Variants in ASAP1 observed in about 807,000 individuals in gnomAD.
The protein encoded by ASAP1 is arf-GAP with SH3 domain, ANK repeat and PH domain-containing protein 1.
Under a neutral mutation model 145.2 loss-of-function variants are expected in ASAP1, and 43 were observed. The ratio of observed to expected loss-of-function variants is 0.30; its 90% CI spans 0.23 to 0.38. The LOEUF is 0.38. ASAP1 is among the 10% of genes least tolerant of loss of function. The pLI is 1.00. For missense variants in ASAP1, 1,018 were observed against 1,355.3 expected (o/e 0.75, Z 3.91); for synonymous variants, 546 against 515.5 (o/e 1.06, Z -0.80).
chr8:130,166,385 T>G (rs761988193), intron 11 of ASAP1, among the ~76,000 whole-genome samples: 12 of 152,216 alleles, frequency 7.9e-5, no homozygotes, highest in Non-Finnish European at 1.6e-4. Flanking sequence ...ACTGTTTAAT[T>G]TATCCTTATC....
intron 3 of ASAP1, among the ~76,000 whole-genome samples, chr8:130,355,610 G>T (rs1826258294): frequency 6.6e-6 from 1 of 152,082 alleles, no homozygotes; most frequent in Admixed American, 6.6e-5. Flanking sequence ...TTTGTGGTAT[G>T]CCCCCAAATT....
intron 3 of ASAP1, among the ~76,000 whole-genome samples, chr8:130,339,295 T>C (rs1353019476): frequency 6.6e-6 from 1 of 152,214 alleles, no homozygotes; most frequent in African/African-American, 2.4e-5. Flanking sequence ...AGAAAAATTC[T>C]CGGTAAGAAC....
At chr8:130,321,667 C>T (rs2554372) in intron 3 of ASAP1, among the ~76,000 whole-genome samples, 60,685 of 151,918 alleles carry the variant, frequency 0.4, 12,846 homozygotes, top group African/African-American at 0.54. Context: ...TCCATGGTTG[C>T]TTAAATATAA....
intron 5 of ASAP1, among the ~76,000 whole-genome samples, chr8:130,192,663 C>T (rs1235897230): frequency 6.6e-6 from 1 of 152,146 alleles, no homozygotes; most frequent in African/African-American, 2.4e-5. Flanking sequence ...GAGATCCTTG[C>T]CTTATTTTTC....
intron 25 of ASAP1, among the ~76,000 whole-genome samples, chr8:130,088,190 G>C (rs2097497862): frequency 6.6e-6 from 1 of 152,174 alleles, no homozygotes; most frequent in Non-Finnish European, 1.5e-5. Flanking sequence ...GGGTGCAATG[G>C]TGCAATCTCG....
chr8:130,432,260 G>A (rs1403318053), intron 1 of ASAP1, among the ~76,000 whole-genome samples: 1 of 152,106 alleles, frequency 6.6e-6, no homozygotes, highest in Non-Finnish European at 1.5e-5. Flanking sequence ...AATCACAATA[G>A]TAAAGACTGG....
Position 130,281,922 on chromosome 8 carries a change from G to A in ASAP1, c.187-44928C>T, listed in dbSNP as rs557348646. Among the ~76,000 whole-genome samples the A allele has an allele frequency of 1.1e-3, 161 of 152,028 alleles. 1 individual carries two copies. Among genetic ancestry groups the A allele is most frequent in the African/African-American group, 3.7e-3 (154 of 41,482 alleles). ...TCTACTAAAAATACAAAAAGTTAGC[G>A]GGGCAAGGTGGCGGGTGCCTGTAAT... On this transcript the variant is annotated intron_variant, in intron 3 of 29. Coordinates refer to ENST00000518721, the MANE Select transcript of ASAP1 (RefSeq NM_018482.4).
chr8:130,283,926 G>A (rs529131621), intron 3 of ASAP1, among the ~76,000 whole-genome samples: 2 of 152,270 alleles, frequency 1.3e-5, no homozygotes, highest in African/African-American at 2.4e-5. Context: ...TCAGATGTAG[G>A]AAATCCCCAG....
chr8:130,265,573 T>TAAAA (rs79247144), intron 3 of ASAP1, among the ~76,000 whole-genome samples: 3 of 119,488 alleles, frequency 2.5e-5, no homozygotes, highest in African/African-American at 9.4e-5. Context: ...ACCCTGTCTT[T>TAAAA]AAAAAAAAAA....
intron 4 of ASAP1, among the ~76,000 whole-genome samples, chr8:130,223,826 CAA>C (rs1197460693): frequency 1.3e-5 from 2 of 151,952 alleles, no homozygotes; most frequent in Non-Finnish European, 2.9e-5. Context: ...CCTTCTGTGT[CAA>C]GAGTCCAGAG....
intron 3 of ASAP1, among the ~76,000 whole-genome samples, chr8:130,335,287 T>TA (rs1824961073): frequency 6.6e-6 from 1 of 152,202 alleles, no homozygotes; most frequent in South Asian, 2.1e-4. Flanking sequence ...GCCAAGCATT[T>TA]AAATAGATTG....
At chr8:130,179,045 T>C (rs749764927) in intron 9 of ASAP1, 5 of 423,760 alleles carry the variant, frequency 1.2e-5, no homozygotes, top group Non-Finnish European at 2.1e-5. Context: ...TGTCTTCTTG[T>C]AAGGAAGACA....
intron 2 of ASAP1, among the ~76,000 whole-genome samples, chr8:130,370,422 A>G (rs1013005912): frequency 6.6e-6 from 1 of 152,208 alleles, no homozygotes; most frequent in Non-Finnish European, 1.5e-5. Flanking sequence ...CCAGAATCCA[A>G]CCATGCTGGT....
chr8:130,206,722 T>C (rs1376673179), intron 5 of ASAP1, among the ~76,000 whole-genome samples: 3 of 151,924 alleles, frequency 2.0e-5, no homozygotes, highest in Non-Finnish European at 3.0e-5. Context: ...ATAATTTATA[T>C]ACATTTTCTA....
intron 3 of ASAP1, among the ~76,000 whole-genome samples, chr8:130,347,251 T>C (rs115174843): frequency 1.3e-3 from 196 of 152,348 alleles, no homozygotes; most frequent in African/African-American, 4.5e-3. Flanking sequence ...ATGTTGATTT[T>C]TCCTGACCAC....
intron 23 of ASAP1, among the ~76,000 whole-genome samples, chr8:130,113,648 A>T (rs1393721115): frequency 6.6e-6 from 1 of 152,132 alleles, no homozygotes; most frequent in Non-Finnish European, 1.5e-5. Context: ...TATAAGGAAA[A>T]CTCAGTGAGA....
At chr8:130,275,793 A>G (rs184631771) in intron 3 of ASAP1, among the ~76,000 whole-genome samples, 3 of 152,324 alleles carry the variant, frequency 2.0e-5, no homozygotes, top group East Asian at 3.9e-4. Flanking sequence ...CAGAGAAAAG[A>G]TAGATTTATT....
chr8:130,094,329 G>A (rs2097512480), intron 24 of ASAP1, among the ~76,000 whole-genome samples: 2 of 151,948 alleles, frequency 1.3e-5, no homozygotes, highest in South Asian at 4.1e-4. Flanking sequence ...TCCCTCCTCA[G>A]CCTCCTGAGT....
chr8:130,075,959 T>C (rs1248172235), intron 27 of ASAP1, among the ~76,000 whole-genome samples: 4 of 152,222 alleles, frequency 2.6e-5, no homozygotes, highest in African/African-American at 7.2e-5. Flanking sequence ...TTCCCCATTT[T>C]ACAGATGAGG....
Sources: allele counts gnomAD v4.1 joint callset (sites outside exome capture counted in the v4.1 genomes callset), GRCh38; gene constraint gnomAD v4.1.1; transcripts MANE v1.5; gene names NCBI Gene and HGNC (gene_info 2026-07-23, HGNC 2026-07-21).